The following CTNND2 variants were observed in gnomAD, a reference collection of about 807,000 sequenced individuals.
The protein encoded by CTNND2 is catenin delta 2.
Under a neutral mutation model 144.4 loss-of-function variants are expected in CTNND2, and 22 were observed. The observed-to-expected ratio is 0.15, with a 90% CI of 0.11 to 0.22. CTNND2 has a LOEUF of 0.22. Among genes scored for constraint, CTNND2 ranks in the 10% least tolerant of loss-of-function variants. CTNND2 has a pLI of 1.00. For synonymous variants in CTNND2, 751 were observed against 695.6 expected, an observed-to-expected ratio of 1.08 and a Z score of -1.25; for missense variants, 1,353 against 1,618.8, an observed-to-expected ratio of 0.84 and a Z score of 2.82.
intron 3 of CTNND2, among the ~76,000 whole-genome samples, chr5:11,491,241 C>A (rs183540290): frequency 6.6e-6 from 1 of 152,126 alleles, no homozygotes; most frequent in African/African-American, 2.4e-5. Flanking sequence ...CACATGTCCA[C>A]CTCCAGGCTC....
intron 2 of CTNND2, among the ~76,000 whole-genome samples, chr5:11,695,919 G>A (rs556071310): frequency 6.6e-6 from 1 of 152,072 alleles, no homozygotes; most frequent in Non-Finnish European, 1.5e-5. Context: ...CAGTTCCTTA[G>A]ACAGTCTTCA....
intron 11 of CTNND2, among the ~76,000 whole-genome samples, chr5:11,167,826 A>G (rs1580472253): frequency 6.7e-6 from 1 of 149,314 alleles, no homozygotes; most frequent in Non-Finnish European, 1.5e-5. Context: ...CACCTCCGCC[A>G]CTTGAGTAGC....
intron 18 of CTNND2, among the ~76,000 whole-genome samples, chr5:11,002,793 T>C (rs946710151): frequency 1.3e-5 from 2 of 152,222 alleles, no homozygotes; most frequent in African/African-American, 4.8e-5. Context: ...GATGTTTCTA[T>C]TGATAATTTT....
intron 8 of CTNND2, among the ~76,000 whole-genome samples, chr5:11,351,638 A>G (rs1452778152): frequency 1.3e-5 from 2 of 152,234 alleles, no homozygotes; most frequent in South Asian, 2.1e-4. Flanking sequence ...CAATGGAAAA[A>G]AGGAGAACAG....
chr5:11,323,160 TC>T (rs1052358399), intron 9 of CTNND2, among the ~76,000 whole-genome samples: 4 of 146,322 alleles, frequency 2.7e-5, no homozygotes, highest in African/African-American at 9.8e-5. Flanking sequence ...TATCTCAGCT[TC>T]CCGAGCAGCC....
chr5:11,731,064 G>C (rs1787361839), intron 2 of CTNND2, among the ~76,000 whole-genome samples: 2 of 152,166 alleles, frequency 1.3e-5, no homozygotes, highest in Non-Finnish European at 2.9e-5. Flanking sequence ...ACAGCCTAAA[G>C]CTCAACCCAA....
intron 2 of CTNND2, among the ~76,000 whole-genome samples, chr5:11,637,152 T>A (rs942514547): frequency 1.3e-5 from 2 of 152,130 alleles, no homozygotes; most frequent in African/African-American, 4.8e-5. Flanking sequence ...CAAAAAACAA[T>A]CATTACCTTG....
intron 12 of CTNND2, among the ~76,000 whole-genome samples, chr5:11,152,545 C>G (rs541952609): frequency 6.6e-6 from 1 of 152,170 alleles, no homozygotes; most frequent in Non-Finnish European, 1.5e-5. Flanking sequence ...TCTCAGAACA[C>G]GTTCCTGTTG....
chr5:11,286,921 TA>T (rs1747816572), intron 9 of CTNND2, among the ~76,000 whole-genome samples: 1 of 152,186 alleles, frequency 6.6e-6, no homozygotes. Flanking sequence ...GGAAACCATG[TA>T]AGCATCCATC....
At chr5:11,377,776 C>T (rs1350614183) in intron 7 of CTNND2, among the ~76,000 whole-genome samples, 1 of 152,174 alleles carries the variant, frequency 6.6e-6, no homozygotes, top group Non-Finnish European at 1.5e-5. Context: ...CACTAACTTG[C>T]CATACGGGAG....
At chr5:11,351,931 G>T (rs1276101145) in intron 8 of CTNND2, among the ~76,000 whole-genome samples, 1 of 152,070 alleles carries the variant, frequency 6.6e-6, no homozygotes, top group Non-Finnish European at 1.5e-5. Flanking sequence ...TACATACTTG[G>T]AATTCAACTC....
intron 11 of CTNND2, among the ~76,000 whole-genome samples, chr5:11,177,286 T>C (rs1760569993): frequency 6.6e-6 from 1 of 152,172 alleles, no homozygotes; most frequent in Admixed American, 6.5e-5. Context: ...TCCTGGTGCT[T>C]TTGTTTCTAG....
chr5:11,252,991 T>C (rs1258269984), intron 9 of CTNND2, among the ~76,000 whole-genome samples: 2 of 152,218 alleles, frequency 1.3e-5, no homozygotes, highest in African/African-American at 4.8e-5. Context: ...CTGACTTTTA[T>C]AAAGCAATGA....
chr5:11,495,851 C>T (rs1769881876), intron 3 of CTNND2, among the ~76,000 whole-genome samples: 1 of 152,140 alleles, frequency 6.6e-6, no homozygotes, highest in South Asian at 2.1e-4. Context: ...GGCCCAATTT[C>T]CCAGCTCCTC....
chr5:11,073,754 A>AG (rs1748604900), intron 16 of CTNND2, among the ~76,000 whole-genome samples: 1 of 152,188 alleles, frequency 6.6e-6, no homozygotes, highest in Admixed American at 6.5e-5. Flanking sequence ...TAGGCACCTA[A>AG]TCTGAAGATA....
intron 9 of CTNND2, among the ~76,000 whole-genome samples, chr5:11,275,527 A>G (rs559680948): frequency 6.6e-6 from 1 of 152,282 alleles, no homozygotes; most frequent in East Asian, 1.9e-4. Context: ...TCTCTTCCAC[A>G]ATAAGAGGGG....
chr5:11,014,063 A>G (rs1424988346), intron 18 of CTNND2, among the ~76,000 whole-genome samples: 2 of 152,230 alleles, frequency 1.3e-5, no homozygotes, highest in Admixed American at 6.5e-5. Context: ...GCTCCATGAG[A>G]GGGAAAGGGA....
intron 9 of CTNND2, among the ~76,000 whole-genome samples, chr5:11,257,591 C>T (rs924987501): frequency 2.0e-5 from 3 of 152,122 alleles, no homozygotes; most frequent in Non-Finnish European, 4.4e-5. Flanking sequence ...CACTCATTAT[C>T]AATGAGAACA....
At chr5:11,183,534 A>G (rs1169855498) in intron 11 of CTNND2, among the ~76,000 whole-genome samples, 3 of 151,976 alleles carry the variant, frequency 2.0e-5, no homozygotes, top group African/African-American at 7.3e-5. Flanking sequence ...AAAGAAGAGC[A>G]AATCAATTTA....
Sources: gnomAD v4.1 joint callset for allele counts (sites outside exome capture counted in the v4.1 genomes callset) on GRCh38, gnomAD v4.1.1 for gene constraint, MANE v1.5 for transcripts, NCBI Gene and HGNC (gene_info 2026-07-23, HGNC 2026-07-21) for gene names.